Variants in FASTKD1 observed in about 807,000 individuals in gnomAD.
FASTKD1 encodes the protein FAST kinase domains 1.
A neutral mutation model predicts 90.9 loss-of-function variants in FASTKD1; 94 were observed. The observed-to-expected ratio is 1.03, with a 90% CI of 0.88 to 1.23. The LOEUF (loss-of-function observed/expected upper bound fraction) is 1.23. Among genes scored for constraint, FASTKD1 ranks in the 50% most tolerant of loss-of-function variants. FASTKD1 has a pLI of 0.00. For synonymous variants in FASTKD1, 319 were observed against 345.8 expected (o/e 0.92, Z 0.86); for missense variants, 945 against 993.5 (o/e 0.95, Z 0.66).
In FASTKD1 at chr2:169,540,162, T is replaced by A; in HGVS notation, c.1834A>T (p.Ile612Leu). ...AAAGAGAAACCAAGAAACACTAATA[T>A]AAAAGGATCCAATATACCTAAAAGA... ...NSYLGILDPF[I>L]LVFLGFSLAT... Residue 612 changes from isoleucine (I) to leucine (L), a missense_variant, in exon 10 of 15, where the codon ATA becomes TTA. By Grantham distance (5) the Ile-to-Leu change is conservative (BLOSUM62 2). Transcript: ENST00000453153. 14 of 1,585,678 alleles carry A rather than the reference T, an allele frequency of 8.8e-6. No individual in the cohort carries two copies. The highest frequency in any genetic ancestry group is 1.2e-5 in the Non-Finnish European group (14 of 1,158,108).
chr2:169,554,770 C>T (rs909571047), intron 7 of FASTKD1, among the ~76,000 whole-genome samples: 2 of 152,072 alleles, frequency 1.3e-5, no homozygotes, highest in South Asian at 2.1e-4. Context: ...AATGCAAGAC[C>T]GAAAGGCCCT....
At chr2:169,544,597 T>C (rs1685102055) in intron 9 of FASTKD1, 124 bp downstream of exon 9, 2 of 644,362 alleles carry the variant, frequency 3.1e-6, no homozygotes, top group East Asian at 2.9e-5. Flanking sequence ...ACAAAAAACC[T>C]TTTTTTAGGT....
chr2:169,564,592 A>C (rs974540145), intron 3 of FASTKD1, among the ~76,000 whole-genome samples: 1 of 152,060 alleles, frequency 6.6e-6, no homozygotes, highest in Admixed American at 6.6e-5. Flanking sequence ...ATTACGTTCT[A>C]AGTTACTTTA....
chr2:169,559,058 T>C (rs1683463918), intron 5 of FASTKD1, among the ~76,000 whole-genome samples: 1 of 151,514 alleles, frequency 6.6e-6, no homozygotes, highest in Non-Finnish European at 1.5e-5. Flanking sequence ...TACTGCAACC[T>C]GCACCTCCCG....
In FASTKD1 at chr2:169,538,043, G is replaced by A. The variant is rs1368395826; in HGVS notation, c.2044C>T (p.His682Tyr). 1 of 1,609,888 alleles carries A rather than the reference G, an allele frequency of 6.2e-7. No homozygotes were observed. The highest frequency in any genetic ancestry group is 8.5e-7 in the Non-Finnish European group (1 of 1,178,902). Reference protein sequence around the residue: ...ECPEFQIPWFHDRFCQQYNKG... With the variant: ...ECPEFQIPWFYDRFCQQYNKG... ...TTATATTGTTGACAGAAGCGGTCAT[G>A]AAACCATGGAATCTGAAACTCAGGG... The change falls in exon 11 of 15, where the codon CAT becomes TAT. Residue 682 changes from histidine to tyrosine, a missense_variant. Physicochemically the swap from His to Tyr is moderately conservative, Grantham distance 83. Transcript: ENST00000453153.
At chr2:169,531,950 T>C (rs1330546583) in intron 12 of FASTKD1, among the ~76,000 whole-genome samples, 1 of 152,224 alleles carries the variant, frequency 6.6e-6, no homozygotes, top group East Asian at 1.9e-4. Flanking sequence ...CTAATAAATG[T>C]AGAAGGCATG....
chr2:169,549,259 G>C (rs990459177), intron 7 of FASTKD1, among the ~76,000 whole-genome samples: 1 of 151,840 alleles, frequency 6.6e-6, no homozygotes, highest in African/African-American at 2.4e-5. Context: ...TAGCCAGGTG[G>C]GGTGGCGCAT....
chr2:169,531,335 A>T lies in FASTKD1; in HGVS notation c.2327+17T>A, dbSNP rs1375329586. ...CATTTAGATATTAATACAATCTAAAACTAAGAAATAAATTACCTTTCAGCC... is the reference window on the plus strand; with the variant it reads ...CATTTAGATATTAATACAATCTAAATCTAAGAAATAAATTACCTTTCAGCC... On this transcript the variant is annotated intron_variant, in intron 13 of 14. Transcript: ENST00000453153. The T allele has an allele frequency of 6.2e-7, 1 of 1,611,670 alleles. No individual in the cohort carries two copies.
intron 7 of FASTKD1, among the ~76,000 whole-genome samples, chr2:169,554,123 T>A (rs1389996842): frequency 2.2e-5 from 3 of 135,594 alleles, no homozygotes; most frequent in Non-Finnish European, 3.2e-5. Flanking sequence ...AAAAAAAAAA[T>A]TAGCCAAGTT....
At chr2:169,570,411 T>A (rs1218934642) in intron 2 of FASTKD1, among the ~76,000 whole-genome samples, 1 of 152,130 alleles carries the variant, frequency 6.6e-6, no homozygotes, top group African/African-American at 2.4e-5. Context: ...TATCTCTGAG[T>A]TTTTCCACTG....
intron 12 of FASTKD1, among the ~76,000 whole-genome samples, chr2:169,534,577 A>G (rs1684646893): frequency 6.7e-6 from 1 of 148,478 alleles, no homozygotes; most frequent in African/African-American, 2.5e-5. Context: ...CTCCTGCCTC[A>G]GCCTCAGGAG....
In FASTKD1 at chr2:169,569,238, G is replaced by C; in HGVS notation, c.392C>G (p.Ala131Gly). 1 of 1,613,846 alleles carries C rather than the reference G, an allele frequency of 6.2e-7. No individual in the cohort carries two copies. Among genetic ancestry groups the C allele is most frequent in the Non-Finnish European group, 8.5e-7 (1 of 1,179,954 alleles). Residue 131 changes from alanine (A) to glycine (G), a missense_variant, in exon 3 of 15, where the codon GCC becomes GGC. Ala to Gly is a moderately conservative substitution (Grantham distance 60). Transcript: ENST00000453153. Reference protein sequence around the residue: ...LYVTQQFAGEAHDPLVEALVT... With the variant: ...LYVTQQFAGEGHDPLVEALVT... ...TAGTGCTTCAACTAGCGGGTCATGG[G>C]CCTCACCAGCAAACCTTAATAAAAA...
In FASTKD1 at chr2:169,572,094, G is replaced by C; in HGVS notation, c.-65C>G. 6.6e-7 allele frequency: 1 copy of C among 1,509,138 alleles called. No individual in the cohort carries two copies. Among genetic ancestry groups the C allele is most frequent in the East Asian group, 2.3e-5 (1 of 43,964 alleles). The allele number at this position is 1,509,138 out of a possible 1,614,324, so 93.5% of individuals were successfully genotyped here. A position where few individuals can be genotyped will look rare whatever the true frequency, so the allele number is the denominator to read the frequency against. The stretch of plus-strand genomic sequence containing the variant: ...AACTAGTCGTCAGGTGCAATAAGCA[G>C]GGATACAAATAACAGTTTTTCCTTC... On this transcript the variant is annotated 5_prime_UTR_variant, in exon 2 of 15. Coordinates refer to ENST00000453153, the MANE Select transcript of FASTKD1 (RefSeq NM_024622.6).
intron 7 of FASTKD1, among the ~76,000 whole-genome samples, chr2:169,547,703 C>A (rs371287858): frequency 4.6e-5 from 7 of 151,552 alleles, no homozygotes; most frequent in African/African-American, 1.7e-4. Flanking sequence ...CATGGTGAAA[C>A]GCTGTCTCTA....
chr2:169,542,928 G>C (rs556821712), intron 9 of FASTKD1, among the ~76,000 whole-genome samples: 1 of 152,156 alleles, frequency 6.6e-6, no homozygotes, highest in South Asian at 2.1e-4. Context: ...TAAATATAAG[G>C]TATACAGCAC....
intron 2 of FASTKD1, among the ~76,000 whole-genome samples, chr2:169,569,960 C>T (rs1000129351): frequency 6.6e-6 from 1 of 152,120 alleles, no homozygotes; most frequent in Non-Finnish European, 1.5e-5. Flanking sequence ...CCTTCAAGTA[C>T]CTCAGAGAAA....
At position 169,546,488 on chromosome 2, in the gene FASTKD1, C is replaced by A. The variant is rs1342020684; in HGVS notation, c.1431G>T (p.Leu477=). ...AGTGATCTAATTTTTGAAGTAGTTT[C>A]AGTTGTTTCGCAGTCATATTATCCA... ...MYLDNMTAKQ[L]KLLQKLDHYG... The change falls in exon 8 of 15, where the codon CTG becomes CTT. Residue 477 remains leucine (L), a synonymous_variant. Coordinates refer to ENST00000453153, the MANE Select transcript of FASTKD1 (RefSeq NM_024622.6). The A allele has an allele frequency of 6.2e-7, 1 of 1,613,998 alleles. No homozygotes were observed. The highest frequency in any genetic ancestry group is 1.7e-5 in the Admixed American group (1 of 59,986).
intron 9 of FASTKD1, among the ~76,000 whole-genome samples, chr2:169,544,376 C>G (rs1191431639): frequency 6.6e-6 from 1 of 152,018 alleles, no homozygotes; most frequent in Non-Finnish European, 1.5e-5. Context: ...TCCTGACCAC[C>G]CTGGCCAACA....
rs574990399 is a variant in FASTKD1, at chr2:169,565,426, C to G, written c.447-2076G>C. The stretch of plus-strand genomic sequence containing the variant: ...TATAGGCGCCCGCCACCACGCCCGG[C>G]TAACTTTTTGTATTTTTAGTAGAGA... On this transcript the variant is annotated intron_variant, in intron 3 of 14. Transcript: ENST00000453153. Among the ~76,000 whole-genome samples the G allele has an allele frequency of 4.0e-5, 6 of 151,818 alleles. No homozygotes were observed. The South Asian group carries it at 1.0e-3, about 26-fold the overall frequency.
Sources: allele counts gnomAD v4.1 joint callset (sites outside exome capture counted in the v4.1 genomes callset), GRCh38; gene constraint gnomAD v4.1.1; transcripts MANE v1.5; gene names NCBI Gene and HGNC (gene_info 2026-07-23, HGNC 2026-07-21).